Variants in SYNPO2 observed in about 807,000 individuals in gnomAD.
SYNPO2 encodes the protein synaptopodin 2, also known as synaptopodin-2.
In SYNPO2, 56 loss-of-function variants were observed where a neutral mutation model predicts 85.0. That is an observed-to-expected ratio of 0.66 (90% CI 0.53 to 0.82). The LOEUF (loss-of-function observed/expected upper bound fraction) is 0.82, where lower values mean the gene tolerates loss of function less well. Ranked by LOEUF, SYNPO2 falls within the 40% of genes least tolerant of loss-of-function variation. SYNPO2 has a pLI of 0.00. For missense variants in SYNPO2, 1,575 were observed against 1,534.2 expected (o/e 1.03, Z -0.44); for synonymous variants, 602 against 591.1 (o/e 1.02, Z -0.27).
In SYNPO2 at chr4:118,916,866, A is replaced by G. The variant is rs141898726; in HGVS notation, c.105+27725A>G. ...TTCAACTTCAGCCTCTTAAGTAGCA[A>G]GGGCTACAAAGATGCGTCACCATGC... On this transcript the variant is annotated intron_variant, in intron 1 of 4. Coordinates refer to ENST00000307142, the MANE Select transcript of SYNPO2 (RefSeq NM_133477.3). Among the ~76,000 whole-genome samples the G allele has an allele frequency of 3.4e-3, 517 of 151,250 alleles. 4 individuals are homozygous for G. Among genetic ancestry groups the G allele is most frequent in the African/African-American group, 0.011 (464 of 41,312 alleles).
intron 1 of SYNPO2, among the ~76,000 whole-genome samples, chr4:119,007,261 T>TATATATATGTATATAC (rs1737100714): frequency 3.4e-5 from 1 of 29,362 alleles, no homozygotes; most frequent in African/African-American, 9.9e-5. Flanking sequence ...TACATATATA[T>TATATATATGTATATAC]ATATATATAT....
chr4:119,030,652 C>A lies in SYNPO2; in HGVS notation c.1877C>A (p.Thr626Asn), dbSNP rs540829099. ...GCACCTCCACCTTACTCTGCAGTCA[C>A]TCCTCCCCCTGACGCCTTCTCCAGA... ...FPAPPPYSAV[T>N]PPPDAFSRGV... The change falls in exon 4 of 5, where the codon ACT (threonine) becomes AAT (asparagine). Residue 626 changes from threonine to asparagine, a missense_variant. This residue lies in a region of SYNPO2 where 1,508 missense variants were observed against 1,446.8 expected (regional missense o/e 1.04). Coordinates refer to ENST00000307142, the MANE Select transcript of SYNPO2 (RefSeq NM_133477.3). The A allele has an allele frequency of 7.4e-5, 119 of 1,614,148 alleles. No individual in the cohort carries two copies. In the South Asian group the frequency reaches 1.2e-3, roughly 17 times the overall value.
At chr4:118,875,020 C>A (rs1057069158) in intron 1 of SYNPO2, among the ~76,000 whole-genome samples, 3 of 152,234 alleles carry the variant, frequency 2.0e-5, no homozygotes, top group African/African-American at 7.2e-5. Flanking sequence ...CTCTCCCCAT[C>A]TGACAGGCCC....
intron 1 of SYNPO2, among the ~76,000 whole-genome samples, chr4:119,003,980 G>C (rs963225856): frequency 2.6e-5 from 4 of 152,076 alleles, no homozygotes; most frequent in African/African-American, 9.7e-5. Flanking sequence ...CTGGTGTCCT[G>C]TAGGGTAAAT....
Position 119,030,062 on chromosome 4 carries a change from G to A in SYNPO2, c.1287G>A (p.Lys429=), listed in dbSNP as rs138204858. 2,760 of 1,614,178 alleles carry A rather than the reference G, an allele frequency of 1.7e-3. 4 individuals are homozygous for A. The highest frequency in any genetic ancestry group is 2.1e-3 in the Non-Finnish European group (2,493 of 1,180,022). The part of the protein sequence containing the change: ...READEEEEGD[K]EDTCEVAFLG... Reference sequence around the variant, plus strand: ...CGGACGAGGAGGAAGAAGGTGACAAGGAGGATACATGTGAAGTAGCATTTC... The same window carrying A: ...CGGACGAGGAGGAAGAAGGTGACAAAGAGGATACATGTGAAGTAGCATTTC... The change falls in exon 4 of 5, where the codon AAG becomes AAA. Residue 429 remains lysine (K), a synonymous_variant. Coordinates refer to ENST00000307142, the MANE Select transcript of SYNPO2 (RefSeq NM_133477.3).
intron 1 of SYNPO2, among the ~76,000 whole-genome samples, chr4:118,925,867 TCA>T (rs1733694578): frequency 6.6e-6 from 1 of 152,148 alleles, no homozygotes; most frequent in African/African-American, 2.4e-5. Flanking sequence ...CTCTGAAATC[TCA>T]GTGTGACAAT....
At chr4:119,013,595 T>C (rs994435820) in intron 1 of SYNPO2, among the ~76,000 whole-genome samples, 7 of 152,202 alleles carry the variant, frequency 4.6e-5, no homozygotes, top group African/African-American at 1.7e-4. Context: ...TGGACGATAT[T>C]TGAACTTTCA....
intron 1 of SYNPO2, among the ~76,000 whole-genome samples, chr4:118,936,903 T>C (rs1465826869): frequency 2.0e-5 from 3 of 152,146 alleles, no homozygotes; most frequent in Non-Finnish European, 2.9e-5. Context: ...AGCGCCTCTC[T>C]CTTCATCCAG....
intron 1 of SYNPO2, among the ~76,000 whole-genome samples, chr4:118,964,802 CAAACAAGA>C (rs1361247918): frequency 6.6e-6 from 1 of 152,076 alleles, no homozygotes; most frequent in Non-Finnish European, 1.5e-5. Context: ...GATGTTCTTA[CAAACAAGA>C]AAACCCCTGC....
rs1031153777 is a variant in SYNPO2, at chr4:119,060,034, T to A, written c.*2100T>A. On this transcript the variant is annotated 3_prime_UTR_variant, in exon 5 of 5. Transcript: ENST00000307142. Reference sequence around the variant, plus strand: ...GTGGTTTAATCATTTTAGATTTGAATGTTTTAAGATAGGAGAGACTTAGCA... The same window carrying A: ...GTGGTTTAATCATTTTAGATTTGAAAGTTTTAAGATAGGAGAGACTTAGCA... The A allele has an allele frequency of 6.6e-6, 1 of 152,210 alleles. No homozygotes were observed. The highest frequency in any genetic ancestry group is 2.4e-5 in the African/African-American group (1 of 41,466). 9.4% of individuals were successfully genotyped at this position (152,210 alleles called of 1,614,324 possible). A position where few individuals can be genotyped will look rare whatever the true frequency, so the allele number is the denominator to read the frequency against.
chr4:119,011,701 A>T lies in SYNPO2; in HGVS notation c.106-11729A>T, dbSNP rs573269477. 1.5e-4 allele frequency among the ~76,000 whole-genome samples: 23 copies of T among 152,328 alleles called. 1 individual carries two copies. The South Asian group carries it at 4.8e-3, about 32-fold the overall frequency. ...CATTTGGGTAAAATTCAATCTTCTC[A>T]TATTGTCATTTATTCGGCACATATT... On this transcript the variant is annotated intron_variant, in intron 1 of 4. Coordinates refer to ENST00000307142, the MANE Select transcript of SYNPO2 (RefSeq NM_133477.3).
chr4:118,933,464 C>G (rs1578563036), intron 1 of SYNPO2, among the ~76,000 whole-genome samples: 2 of 152,244 alleles, frequency 1.3e-5, no homozygotes, highest in East Asian at 3.9e-4. Flanking sequence ...AAGTCAGCAG[C>G]CAGGAAAGTT....
intron 1 of SYNPO2, among the ~76,000 whole-genome samples, chr4:118,995,312 T>C (rs536966405): frequency 2.4e-4 from 37 of 152,300 alleles, no homozygotes; most frequent in African/African-American, 8.7e-4. Context: ...ATGGGAAATA[T>C]ATATTCCAAC....
intron 1 of SYNPO2, among the ~76,000 whole-genome samples, chr4:118,921,629 ACTCC>A (rs1412250197): frequency 6.6e-6 from 1 of 151,932 alleles, no homozygotes; most frequent in Admixed American, 6.6e-5. Context: ...ATGCTTCCCC[ACTCC>A]CTCCATAGCA....
intron 1 of SYNPO2, among the ~76,000 whole-genome samples, chr4:118,930,653 G>A (rs1475148506): frequency 6.6e-6 from 1 of 151,370 alleles, no homozygotes; most frequent in Non-Finnish European, 1.5e-5. Context: ...GGTGGCTCAT[G>A]CCTGTAATCC....
intron 1 of SYNPO2, among the ~76,000 whole-genome samples, chr4:118,874,512 T>TACAACTGTGCATCTGATATATCTGAA (rs1731866108): frequency 6.6e-6 from 1 of 152,218 alleles, no homozygotes; most frequent in African/African-American, 2.4e-5. Flanking sequence ...CACCATGTGA[T>TACAACTGTGCATCTGATATATCTGAA]ACAACTGTGC....
Position 119,057,690 on chromosome 4 carries a change from C to T in SYNPO2, c.3542C>T (p.Ser1181Phe), listed in dbSNP as rs775494478. Reference protein sequence around the residue: ...GPPEDWNERLSYIPQTQKAYM... With the variant: ...GPPEDWNERLFYIPQTQKAYM... ...CCAGAGGATTGGAATGAAAGACTGT[C>T]CTATATTCCTCAAACCCAGAAGGCC... Residue 1181 changes from serine to phenylalanine, a missense_variant, in exon 5 of 5, where the codon TCC (serine) becomes TTC (phenylalanine). Physicochemically the swap from Ser to Phe is radical, Grantham distance 155 (BLOSUM62 -2). Transcript: ENST00000307142. 1 of 1,614,130 alleles carries T rather than the reference C, an allele frequency of 6.2e-7. No individual in the cohort carries two copies. The highest frequency in any genetic ancestry group is 1.1e-5 in the South Asian group (1 of 91,076).
At chr4:118,999,166 G>A (rs1736731438) in intron 1 of SYNPO2, among the ~76,000 whole-genome samples, 2 of 151,760 alleles carry the variant, frequency 1.3e-5, no homozygotes, top group South Asian at 2.1e-4. Flanking sequence ...TTTGTTTTTC[G>A]AGACAGGGTC....
At chr4:118,880,746 C>CAAAAAAAAAA (rs11348298) in intron 1 of SYNPO2, among the ~76,000 whole-genome samples, 18 of 131,824 alleles carry the variant, frequency 1.4e-4, no homozygotes, top group Admixed American at 5.1e-4. Flanking sequence ...GACTCTGTCC[C>CAAAAAAAAAA]AAAAAAAAAA....
Sources: gnomAD v4.1 joint callset for allele counts (sites outside exome capture counted in the v4.1 genomes callset) on GRCh38, gnomAD v4.1.1 for gene constraint, gnomAD v4.1.1 regional missense constraint, MANE v1.5 for transcripts, NCBI Gene and HGNC (gene_info 2026-07-23, HGNC 2026-07-21) for gene names.